PHIP: variants seen among roughly 807,000 people sequenced by gnomAD.
PHIP encodes PHIP subunit of CUL4-Ring ligase complex.
In PHIP, 54 loss-of-function variants were observed where a neutral mutation model predicts 236.8. The ratio of observed to expected loss-of-function variants is 0.23; its 90% CI spans 0.18 to 0.29. PHIP has a LOEUF of 0.29. PHIP is among the 10% of genes least tolerant of loss of function. The pLI, the probability that PHIP is intolerant of heterozygous loss-of-function variation, is 1.00. For synonymous variants in PHIP, 756 were observed against 718.9 expected (o/e 1.05, Z -0.83); for missense variants, 1,370 against 2,190.8 (o/e 0.63, Z 7.48).
intron 7 of PHIP, among the ~76,000 whole-genome samples, chr6:79,041,521 C>A (rs894059056): frequency 6.6e-6 from 1 of 151,964 alleles, no homozygotes; most frequent in Admixed American, 6.6e-5. Flanking sequence ...ATATAGTGCT[C>A]CTTTTTCATT....
At chr6:78,956,963 A>G (rs1033050687) in intron 32 of PHIP, 9 of 152,198 alleles carry the variant, frequency 5.9e-5, no homozygotes, top group Non-Finnish European at 8.8e-5. Context: ...ATTTTGCCAA[A>G]TAACTCAATT....
intron 35 of PHIP, among the ~76,000 whole-genome samples, chr6:78,954,054 CAAT>C (rs1412257287): frequency 6.6e-6 from 1 of 152,112 alleles, no homozygotes; most frequent in African/African-American, 2.4e-5. Flanking sequence ...TAAATATATA[CAAT>C]AATGTCACCT....
In PHIP at chr6:78,935,669, C is replaced by T. The variant is rs1773250315; in HGVS notation, c.*5024G>A. 1.0e-6 allele frequency: 1 copy of T among 983,894 alleles called. No individual in the cohort carries two copies. Among genetic ancestry groups the T allele is most frequent in the Non-Finnish European group, 1.2e-6 (1 of 828,742 alleles). The allele number at this position is 983,894 out of a possible 1,614,324, so 60.9% of individuals were successfully genotyped here. A position where few individuals can be genotyped will look rare whatever the true frequency, so the allele number is the denominator to read the frequency against. On this transcript the variant is annotated 3_prime_UTR_variant, in exon 40 of 40. Coordinates refer to ENST00000275034, the MANE Select transcript of PHIP (RefSeq NM_017934.7). ...TGGAATTAAATTACATTTCGGCACC[C>T]AAATATCTTTTAACTGACAGTTTTC... is the stretch of plus-strand genomic sequence containing the variant.
chr6:79,051,595 T>C (rs1190059586), intron 6 of PHIP, among the ~76,000 whole-genome samples: 1 of 152,160 alleles, frequency 6.6e-6, no homozygotes, highest in Admixed American at 6.5e-5. Flanking sequence ...ATTTAGCAGA[T>C]ACCATAAAGA....
chr6:78,975,523 G>C (rs903164721), intron 24 of PHIP, among the ~76,000 whole-genome samples: 16 of 152,278 alleles, frequency 1.1e-4, no homozygotes, highest in Admixed American at 9.8e-4. Context: ...GTTCTGGCCA[G>C]GGCAATTAGG....
chr6:78,975,437 GGAA>G (rs1258282497), intron 24 of PHIP, among the ~76,000 whole-genome samples: 2 of 152,128 alleles, frequency 1.3e-5, no homozygotes, highest in Non-Finnish European at 1.5e-5. Flanking sequence ...GGCAAAAACT[GGAA>G]GCATTCCCTT....
At chr6:78,971,264 G>T (rs1767529036) in intron 24 of PHIP, among the ~76,000 whole-genome samples, 1 of 152,182 alleles carries the variant, frequency 6.6e-6, no homozygotes, top group East Asian at 1.9e-4. Flanking sequence ...ACATTGAAAT[G>T]AAAAATGTAC....
chr6:79,027,078 A>AAGGTGTTTCTTT (rs1771444378), intron 7 of PHIP, among the ~76,000 whole-genome samples: 1 of 152,126 alleles, frequency 6.6e-6, no homozygotes, highest in African/African-American at 2.4e-5. Flanking sequence ...ATTCTTAAAG[A>AAGGTGTTTCTTT]AACACCTTCA....
Position 78,998,917 on chromosome 6 carries a change from C to T in PHIP, c.1880-526G>A, listed in dbSNP as rs77840712. The stretch of plus-strand genomic sequence containing the variant: ...AGTGGTAAATAAGGGACATGAAGAT[C>T]CCTACTCTTTAGGGAGCTGACATAC... On this transcript the variant is annotated intron_variant, in intron 17 of 39. Coordinates refer to ENST00000275034, the MANE Select transcript of PHIP (RefSeq NM_017934.7). Among the ~76,000 whole-genome samples the T allele has an allele frequency of 3.4e-3, 511 of 152,120 alleles. 2 individuals carry two copies. The highest frequency in any genetic ancestry group is 0.011 in the African/African-American group (447 of 41,516).
At chr6:79,053,524 A>G (rs1041588948) in intron 6 of PHIP, among the ~76,000 whole-genome samples, 7 of 152,258 alleles carry the variant, frequency 4.6e-5, no homozygotes, top group South Asian at 4.1e-4. Flanking sequence ...TTGGAGCCCA[A>G]TTTTCCCCGA....
chr6:79,023,815 A>G (rs1771253800), intron 9 of PHIP, among the ~76,000 whole-genome samples: 1 of 152,194 alleles, frequency 6.6e-6, no homozygotes, highest in Non-Finnish European at 1.5e-5. Flanking sequence ...AAGAAGCACA[A>G]ATAAGGTGTG....
chr6:79,001,165 A>G (rs929762530), intron 17 of PHIP, among the ~76,000 whole-genome samples: 4 of 152,200 alleles, frequency 2.6e-5, no homozygotes, highest in African/African-American at 9.6e-5. Context: ...ATTCATAATG[A>G]CAAAACTGGT....
chr6:79,007,022 AAAT>A (rs1770325400), intron 15 of PHIP, among the ~76,000 whole-genome samples: 1 of 152,058 alleles, frequency 6.6e-6, no homozygotes, highest in South Asian at 2.1e-4. Flanking sequence ...AGATGTGTTA[AAAT>A]AATGACTCCC....
At chr6:78,972,815 G>T (rs191468028) in intron 24 of PHIP, among the ~76,000 whole-genome samples, 71 of 152,092 alleles carry the variant, frequency 4.7e-4, no homozygotes, top group East Asian at 1.9e-4. Flanking sequence ...AAGCGAGAAG[G>T]GAAGTTTAGA....
intron 22 of PHIP, among the ~76,000 whole-genome samples, chr6:78,983,982 CT>C (rs767631210): frequency 6.6e-6 from 1 of 152,084 alleles, no homozygotes; most frequent in Non-Finnish European, 1.5e-5. Flanking sequence ...ACATAAATGT[CT>C]TAAAGGAACC....
intron 7 of PHIP, among the ~76,000 whole-genome samples, chr6:79,027,966 A>G (rs1293367001): frequency 6.6e-6 from 1 of 152,200 alleles, no homozygotes; most frequent in Non-Finnish European, 1.5e-5. Flanking sequence ...TGTCTGACAC[A>G]TGGTTACAGC....
chr6:79,050,567 G>A (rs1772742947), intron 6 of PHIP, among the ~76,000 whole-genome samples: 1 of 152,174 alleles, frequency 6.6e-6, no homozygotes, highest in South Asian at 2.1e-4. Flanking sequence ...GAGTGAGACT[G>A]ATTAATTTTT....
intron 15 of PHIP, among the ~76,000 whole-genome samples, chr6:79,009,608 T>A (rs551903514): frequency 6.6e-6 from 1 of 152,236 alleles, no homozygotes; most frequent in African/African-American, 2.4e-5. Context: ...CTTGTGGTCC[T>A]CATATTTTGT....
chr6:78,971,198 T>C (rs188535226), intron 24 of PHIP, among the ~76,000 whole-genome samples: 93 of 152,396 alleles, frequency 6.1e-4, no homozygotes, highest in Middle Eastern at 3.4e-3. Flanking sequence ...CTAATAAGTT[T>C]ATTGTCCACT....
Sources: gnomAD v4.1 joint callset for allele counts (sites outside exome capture counted in the v4.1 genomes callset) on GRCh38, gnomAD v4.1.1 for gene constraint, MANE v1.5 for transcripts, NCBI Gene and HGNC (gene_info 2026-07-23, HGNC 2026-07-21) for gene names.